Variants in RUNDC3B observed in about 807,000 individuals in gnomAD.
RUNDC3B encodes the protein RUN domain containing 3B.
In RUNDC3B, 33 loss-of-function variants were observed where a neutral mutation model predicts 58.4. The ratio of observed to expected loss-of-function variants is 0.56; its 90% CI spans 0.43 to 0.75. RUNDC3B has a LOEUF of 0.75. Ranked by LOEUF, RUNDC3B falls within the 30% of genes least tolerant of loss-of-function variation. RUNDC3B has a pLI of 0.00. For missense variants in RUNDC3B, 501 were observed against 535.7 expected, an observed-to-expected ratio of 0.94 and a Z score of 0.64; for synonymous variants, 193 against 195.2, an observed-to-expected ratio of 0.99 and a Z score of 0.10.
At chr7:87,653,698 T>C (rs142998268) in intron 2 of RUNDC3B, among the ~76,000 whole-genome samples, 1 of 152,220 alleles carries the variant, frequency 6.6e-6, no homozygotes, top group East Asian at 1.9e-4. Flanking sequence ...AATATTAAAA[T>C]ATAGCTATTT....
intron 6 of RUNDC3B, among the ~76,000 whole-genome samples, chr7:87,752,721 AT>A (rs1833092335): frequency 6.6e-6 from 1 of 152,098 alleles, no homozygotes; most frequent in Non-Finnish European, 1.5e-5. Context: ...TGGTAGTGAT[AT>A]CCCCTTTATC....
At chr7:87,827,731 A>G (rs905246668) in intron 10 of RUNDC3B, among the ~76,000 whole-genome samples, 3 of 152,208 alleles carry the variant, frequency 2.0e-5, no homozygotes, top group African/African-American at 7.2e-5. Flanking sequence ...TAGACAAAAA[A>G]GAATATAATA....
In RUNDC3B at chr7:87,652,642, A is replaced by ATATATATG. The variant is rs1444496488; in HGVS notation, c.238+1709_238+1710insTATGTATA. 5.4e-5 allele frequency among the ~76,000 whole-genome samples: 8 copies of ATATATATG among 148,696 alleles called. No homozygotes were observed. In the Admixed American group the frequency reaches 5.4e-4, roughly 10 times the overall value. On this transcript the variant is annotated intron_variant, in intron 2 of 10. Coordinates refer to ENST00000394654, the MANE Select transcript of RUNDC3B (RefSeq NM_001134405.2). The stretch of plus-strand genomic sequence containing the variant: ...CACTGATATATATATATATATATAT[A>ATATATATG]TATAGTAGGAAGTATGAAATAATCT...
chr7:87,662,552 G>T (rs975114486), intron 2 of RUNDC3B, among the ~76,000 whole-genome samples: 20 of 151,970 alleles, frequency 1.3e-4, no homozygotes, highest in Admixed American at 9.8e-4. Context: ...TGTCAAAAAT[G>T]AGTTAACTGT....
intron 2 of RUNDC3B, among the ~76,000 whole-genome samples, chr7:87,685,526 CACA>C (rs1284534879): frequency 1.3e-5 from 2 of 152,184 alleles, no homozygotes; most frequent in Non-Finnish European, 2.9e-5. Flanking sequence ...AATTTCCACA[CACA>C]ACAACATGTA....
chr7:87,670,341 TA>T (rs1329789429), intron 2 of RUNDC3B, among the ~76,000 whole-genome samples: 1 of 152,252 alleles, frequency 6.6e-6, no homozygotes, highest in Non-Finnish European at 1.5e-5. Flanking sequence ...GTTCTGTTTT[TA>T]TACCAGCTAT....
chr7:87,755,819 G>T (rs576117636), intron 6 of RUNDC3B, among the ~76,000 whole-genome samples: 45 of 152,260 alleles, frequency 3.0e-4, no homozygotes, highest in African/African-American at 1.0e-3. Flanking sequence ...ATAAGACAAG[G>T]TTGCTCTCTC....
At chr7:87,795,300 A>T (rs546417133) in intron 8 of RUNDC3B, among the ~76,000 whole-genome samples, 4 of 152,328 alleles carry the variant, frequency 2.6e-5, no homozygotes, top group African/African-American at 7.2e-5. Flanking sequence ...AAATTATCTG[A>T]TTAAAAAGTG....
intron 2 of RUNDC3B, chr7:87,694,125 A>G (rs956742684): frequency 2.8e-6 from 2 of 725,558 alleles, no homozygotes; most frequent in Non-Finnish European, 3.4e-6. Flanking sequence ...TCCAGAGAGC[A>G]CAAGTATGCT....
chr7:87,694,075 A>G, intron 2 of RUNDC3B: 2 of 1,525,006 alleles, frequency 1.3e-6, no homozygotes, highest in Non-Finnish European at 8.7e-7. Flanking sequence ...TGGGTTTTGT[A>G]AAGCCTTCTT....
intron 1 of RUNDC3B, among the ~76,000 whole-genome samples, chr7:87,647,601 T>G (rs1167953411): frequency 6.6e-6 from 1 of 152,234 alleles, no homozygotes; most frequent in Non-Finnish European, 1.5e-5. Context: ...TTACTTTGCA[T>G]GGTTCCAGTA....
At chr7:87,675,484 G>T (rs1027755796) in intron 2 of RUNDC3B, among the ~76,000 whole-genome samples, 1 of 151,824 alleles carries the variant, frequency 6.6e-6, no homozygotes, top group East Asian at 1.9e-4. Flanking sequence ...GAAACAGCTT[G>T]GTACTAAAAC....
At chr7:87,698,805 G>A (rs28381729) in intron 2 of RUNDC3B, among the ~76,000 whole-genome samples, 1 of 152,180 alleles carries the variant, frequency 6.6e-6, no homozygotes, top group African/African-American at 2.4e-5. Flanking sequence ...GGAGAAGTAA[G>A]CACAGGGTCC....
intron 6 of RUNDC3B, among the ~76,000 whole-genome samples, chr7:87,742,499 T>C (rs750258086): frequency 6.6e-6 from 1 of 152,072 alleles, no homozygotes; most frequent in Non-Finnish European, 1.5e-5. Context: ...AATAATAGTC[T>C]CCAATCTCAT....
chr7:87,675,653 C>CAAA (rs200136132), intron 2 of RUNDC3B, among the ~76,000 whole-genome samples: 6 of 65,834 alleles, frequency 9.1e-5, no homozygotes, highest in Admixed American at 4.9e-4. Flanking sequence ...TATTCACATG[C>CAAA]AAAAAAAAAA....
At chr7:87,668,834 C>T (rs1385568572) in intron 2 of RUNDC3B, among the ~76,000 whole-genome samples, 1 of 151,970 alleles carries the variant, frequency 6.6e-6, no homozygotes, top group Non-Finnish European at 1.5e-5. Flanking sequence ...CTCTGTGATC[C>T]AAGAGTGTGT....
In RUNDC3B at chr7:87,628,584, CGTGTGTGTGTGTGTGTGTGT is replaced by C. The variant is rs71117546; in HGVS notation, c.-218_-199del. On this transcript the variant is annotated 5_prime_UTR_variant, in exon 1 of 11. Coordinates refer to ENST00000394654, the MANE Select transcript of RUNDC3B (RefSeq NM_001134405.2). ...CGAGGGCGGAGGTGGTGCGTGCGTG[CGTGTGTGTGTGTGTGTGTGT>C]GTGTGTGTGTGTGTGTGTGTGGAGC... 7.9e-5 allele frequency: 23 copies of C among 290,666 alleles called. No homozygotes were observed. The highest frequency in any genetic ancestry group is 9.2e-4 in the Middle Eastern group (1 of 1,088). 18.0% of individuals were successfully genotyped at this position (290,666 alleles called of 1,614,324 possible). A position where few individuals can be genotyped will look rare whatever the true frequency, so the allele number is the denominator to read the frequency against.
intron 4 of RUNDC3B, among the ~76,000 whole-genome samples, chr7:87,735,042 A>G (rs1443298320): frequency 1.3e-5 from 2 of 152,122 alleles, no homozygotes; most frequent in Non-Finnish European, 1.5e-5. Flanking sequence ...GGCTTGAAAT[A>G]CCATCCATAT....
At chr7:87,719,854 T>G (rs760680716) in intron 4 of RUNDC3B, among the ~76,000 whole-genome samples, 2 of 151,612 alleles carry the variant, frequency 1.3e-5, no homozygotes, top group Non-Finnish European at 2.9e-5. Context: ...TTTACTTTTT[T>G]AAAGAAATCA....
Sources: gnomAD v4.1 joint callset for allele counts (sites outside exome capture counted in the v4.1 genomes callset) on GRCh38, gnomAD v4.1.1 for gene constraint, MANE v1.5 for transcripts, NCBI Gene and HGNC (gene_info 2026-07-23, HGNC 2026-07-21) for gene names.